Variants in CPQ observed in about 807,000 individuals in gnomAD.
The protein encoded by CPQ is carboxypeptidase Q.
Under a neutral mutation model 45.7 loss-of-function variants are expected in CPQ, and 37 were observed. The ratio of observed to expected loss-of-function variants is 0.81; its 90% confidence interval spans 0.62 to 1.07. CPQ has a LOEUF of 1.07. Ranked by LOEUF, CPQ falls within the 50% of genes least tolerant of loss-of-function variation. CPQ has a pLI of 0.00. For synonymous variants in CPQ, 186 were observed against 205.8 expected (o/e 0.90, Z 0.82); for missense variants, 537 against 572.9 (o/e 0.94, Z 0.64).
At chr8:97,002,873 G>T (rs1809309659) in intron 5 of CPQ, among the ~76,000 whole-genome samples, 1 of 152,022 alleles carries the variant, frequency 6.6e-6, no homozygotes, top group Non-Finnish European at 1.5e-5. Flanking sequence ...AAACTCTCCA[G>T]CTATTATTGT....
At chr8:96,781,799 C>G (rs1433076430) in intron 1 of CPQ, among the ~76,000 whole-genome samples, 1 of 152,138 alleles carries the variant, frequency 6.6e-6, no homozygotes, top group Non-Finnish European at 1.5e-5. Context: ...TCTATTTCCA[C>G]AATACAATGG....
At chr8:97,038,404 C>T (rs1167556169) in intron 6 of CPQ, among the ~76,000 whole-genome samples, 1 of 152,174 alleles carries the variant, frequency 6.6e-6, no homozygotes, top group Non-Finnish European at 1.5e-5. Context: ...CTAACCAGGT[C>T]ATGACCTGAC....
rs11992461 is a variant in CPQ at position 96,690,122 on chromosome 8, G to A, written c.-35+44720G>A. Among the ~76,000 whole-genome samples the A allele has an allele frequency of 2.2e-3, 337 of 152,018 alleles. 1 individual carries two copies. The highest frequency in any genetic ancestry group is 7.7e-3 in the African/African-American group (321 of 41,478). ...TAGTTTGCATTTTTAATTTATAGAGGTATGTGCTTATTTTTTTGTTTATAT... is the reference window on the plus strand; with the variant it reads ...TAGTTTGCATTTTTAATTTATAGAGATATGTGCTTATTTTTTTGTTTATAT... On this transcript the variant is annotated intron_variant, in intron 1 of 7. Coordinates refer to ENST00000220763, the MANE Select transcript of CPQ (RefSeq NM_016134.4).
At chr8:97,127,849 G>A (rs1272179639) in intron 7 of CPQ, among the ~76,000 whole-genome samples, 2 of 152,168 alleles carry the variant, frequency 1.3e-5, no homozygotes, top group East Asian at 3.8e-4. Context: ...AGATCACACT[G>A]TATGATTCCT....
At chr8:97,006,123 G>A (rs1293966259) in intron 5 of CPQ, among the ~76,000 whole-genome samples, 1 of 152,212 alleles carries the variant, frequency 6.6e-6, no homozygotes. Context: ...CTGAAATGAA[G>A]TCCTTGGACC....
chr8:96,648,328 A>T (rs957633535), intron 1 of CPQ, among the ~76,000 whole-genome samples: 1 of 152,050 alleles, frequency 6.6e-6, no homozygotes, highest in Non-Finnish European at 1.5e-5. Flanking sequence ...TAAAGCAACA[A>T]TTTTTATTAC....
intron 2 of CPQ, among the ~76,000 whole-genome samples, chr8:96,797,783 G>T (rs1269526029): frequency 1.3e-5 from 2 of 152,056 alleles, no homozygotes; most frequent in Non-Finnish European, 2.9e-5. Context: ...CAGGTGCGGT[G>T]GCTCACACCT....
At chr8:97,035,689 TTTGTTTGTTTGTA>T (rs1362872660) in intron 6 of CPQ, among the ~76,000 whole-genome samples, 3 of 87,626 alleles carry the variant, frequency 3.4e-5, no homozygotes, top group African/African-American at 1.5e-4. Context: ...TTTTTGTTTG[TTTGTTTGTTTGTA>T]TTGTTTTGTT....
intron 4 of CPQ, among the ~76,000 whole-genome samples, chr8:96,896,491 C>T (rs750269414): frequency 8.5e-5 from 13 of 152,066 alleles, no homozygotes; most frequent in Non-Finnish European, 1.3e-4. Flanking sequence ...CTTTTCTAAC[C>T]TGACTGTTGA....
rs139899061 is a variant in CPQ at position 96,995,070 on chromosome 8, C to T, written c.961+29024C>T. On this transcript the variant is annotated intron_variant, in intron 5 of 7. Coordinates refer to ENST00000220763, the MANE Select transcript of CPQ (RefSeq NM_016134.4). The stretch of plus-strand genomic sequence containing the variant: ...CATACAGGTCTTGATAACTAGCATA[C>T]TGGTTAAGACCCTTAGGCTCTTACG... 1.3e-4 allele frequency among the ~76,000 whole-genome samples: 20 copies of T among 152,140 alleles called. No homozygotes were observed. The East Asian group carries it at 3.7e-3, about 28-fold the overall frequency.
At chr8:96,855,239 T>C (rs1034714527) in intron 3 of CPQ, among the ~76,000 whole-genome samples, 2 of 152,124 alleles carry the variant, frequency 1.3e-5, no homozygotes, top group Non-Finnish European at 2.9e-5. Context: ...TTTGACCAAA[T>C]ATATGAGCAC....
At chr8:97,122,936 TA>T (rs1184745874) in intron 7 of CPQ, among the ~76,000 whole-genome samples, 1,034 of 43,286 alleles carry the variant, frequency 0.024, 17 homozygotes, top group Middle Eastern at 0.096. Context: ...ATAAATAAAA[TA>T]AAATAAAATA....
chr8:96,975,575 G>A (rs570421712), intron 5 of CPQ, among the ~76,000 whole-genome samples: 65 of 151,476 alleles, frequency 4.3e-4, no homozygotes, highest in Middle Eastern at 3.4e-3. Flanking sequence ...CCTGATGAAC[G>A]TAGATGCTAA....
intron 4 of CPQ, among the ~76,000 whole-genome samples, chr8:96,928,419 A>G (rs945299580): frequency 6.6e-6 from 1 of 151,132 alleles, no homozygotes; most frequent in Non-Finnish European, 1.5e-5. Context: ...TTTGGTCCTG[A>G]TATAAATGAG....
At chr8:96,776,934 C>T (rs1287333413) in intron 1 of CPQ, among the ~76,000 whole-genome samples, 2 of 152,112 alleles carry the variant, frequency 1.3e-5, no homozygotes, top group African/African-American at 4.8e-5. Context: ...TAACTCCATA[C>T]TTTGAATTCA....
chr8:96,845,610 C>T (rs903505162), intron 3 of CPQ, among the ~76,000 whole-genome samples: 1 of 151,990 alleles, frequency 6.6e-6, no homozygotes, highest in African/African-American at 2.4e-5. Flanking sequence ...GCATCCTTCA[C>T]CCCCTGGGAC....
intron 5 of CPQ, among the ~76,000 whole-genome samples, chr8:96,967,216 G>A (rs1250451906): frequency 6.6e-6 from 1 of 152,136 alleles, no homozygotes; most frequent in Non-Finnish European, 1.5e-5. Flanking sequence ...AAAAATCACC[G>A]ATAATGATTT....
At chr8:96,779,063 C>CAAAA (rs561557208) in intron 1 of CPQ, among the ~76,000 whole-genome samples, 1 of 57,022 alleles carries the variant, frequency 1.8e-5, no homozygotes, top group African/African-American at 6.2e-5. Context: ...ACTCCATCTC[C>CAAAA]AAAAAAAAAA....
chr8:96,982,130 C>T (rs563324704), intron 5 of CPQ, among the ~76,000 whole-genome samples: 1 of 152,238 alleles, frequency 6.6e-6, no homozygotes, highest in Non-Finnish European at 1.5e-5. Context: ...TTTGGTGGAG[C>T]AGTGATGTGG....
Sources: gnomAD v4.1 joint callset for allele counts (sites outside exome capture counted in the v4.1 genomes callset) on GRCh38, gnomAD v4.1.1 for gene constraint, MANE v1.5 for transcripts, NCBI Gene and HGNC (gene_info 2026-07-23, HGNC 2026-07-21) for gene names.